The following TIMM9 variants were observed in gnomAD, a reference collection of about 807,000 sequenced individuals.
TIMM9 encodes the protein mitochondrial import inner membrane translocase subunit Tim9.
In TIMM9, 10 loss-of-function variants were observed where a neutral mutation model predicts 13.4. The ratio of observed to expected loss-of-function variants is 0.75; its 90% CI spans 0.46 to 1.26. The LOEUF is 1.26. Among genes scored for constraint, TIMM9 ranks in the 50% most tolerant of loss-of-function variants. TIMM9 has a pLI of 0.00. For missense variants in TIMM9, 87 were observed against 100.8 expected (o/e 0.86, Z 0.58); for synonymous variants, 32 against 32.1 (o/e 1.00, Z 0.01).
chr14:58,427,453 C>G lies in TIMM9; in HGVS notation c.-365G>C. 1.3e-6 allele frequency: 1 copy of G among 754,230 alleles called. No homozygotes were observed. The highest frequency in any genetic ancestry group is 2.1e-6 in the Non-Finnish European group (1 of 469,054). 46.7% of individuals were successfully genotyped at this position (754,230 alleles called of 1,614,324 possible). On this transcript the variant is annotated 5_prime_UTR_variant, in exon 1 of 6. Coordinates refer to ENST00000395159, the MANE Select transcript of TIMM9 (RefSeq NM_012460.4). ...CAGTGTCAACAGTCCCTGGTAAACA[C>G]AAGTAGTATTACAAGTCGGGAGCTC...
rs1442262939 is a variant in TIMM9 at position 58,410,850 on chromosome 14, G to A, written c.128C>T (p.Pro43Leu). Residue 43 changes from proline (P) to leucine (L), a missense_variant, in exon 5 of 6, where the codon CCT becomes CTT. Coordinates refer to ENST00000395159, the MANE Select transcript of TIMM9 (RefSeq NM_012460.4). ...GAGTAACACTTTTCATACCTCTTCA[G>A]GTTTTACTTCTCTTGTTGTGAAGTC... The part of the protein sequence containing the change: ...VKDFTTREVK[P>L]EETTCSEHCL... The A allele has an allele frequency of 6.2e-7, 1 of 1,607,568 alleles. No individual in the cohort carries two copies. The highest frequency in any genetic ancestry group is 1.3e-5 in the African/African-American group (1 of 74,536).
intron 3 of TIMM9, among the ~76,000 whole-genome samples, chr14:58,412,737 C>T (rs1361732844): frequency 6.6e-6 from 1 of 152,006 alleles, no homozygotes; most frequent in African/African-American, 2.4e-5. Flanking sequence ...CCTATCTCTA[C>T]AAAAAATACA....
chr14:58,409,868 G>A (rs2036156892), intron 5 of TIMM9, among the ~76,000 whole-genome samples: 3 of 152,048 alleles, frequency 2.0e-5, no homozygotes, highest in South Asian at 2.1e-4. Context: ...GTGAGCCACC[G>A]CGCCCAGCCT....
At chr14:58,413,426 G>C (rs2036285162) in intron 3 of TIMM9, among the ~76,000 whole-genome samples, 1 of 152,154 alleles carries the variant, frequency 6.6e-6, no homozygotes, top group South Asian at 2.1e-4. Flanking sequence ...AGGATATTCA[G>C]AGTTTTAAAA....
intron 5 of TIMM9, among the ~76,000 whole-genome samples, chr14:58,409,802 T>C (rs2036153766): frequency 6.6e-6 from 1 of 152,008 alleles, no homozygotes; most frequent in Non-Finnish European, 1.5e-5. Context: ...ATGGTCTTGA[T>C]CTCCTGACCT....
Position 58,408,676 on chromosome 14 carries a change from G to T in TIMM9, c.*358C>A. 7.7e-7 allele frequency: 1 copy of T among 1,307,094 alleles called. No individual in the cohort carries two copies. Among genetic ancestry groups the T allele is most frequent in the South Asian group, 1.4e-5 (1 of 69,630 alleles). The allele number at this position is 1,307,094 out of a possible 1,614,324, so 81.0% of individuals were successfully genotyped here. A position where few individuals can be genotyped will look rare whatever the true frequency, so the allele number is the denominator to read the frequency against. The stretch of plus-strand genomic sequence containing the variant: ...GTGATATTTCCATTTATTTTACTTT[G>T]AGTAATAAAAATTTTTCTATCTCAT... On this transcript the variant is annotated 3_prime_UTR_variant, in exon 6 of 6. Coordinates refer to ENST00000395159, the MANE Select transcript of TIMM9 (RefSeq NM_012460.4).
At chr14:58,414,008 G>GAAAA (rs10656955) in intron 3 of TIMM9, among the ~76,000 whole-genome samples, 1,334 of 24,168 alleles carry the variant, frequency 0.055, 481 homozygotes, top group South Asian at 0.12. Flanking sequence ...TTCCGTCTCA[G>GAAAA]AAAAAAAAAA....
At chr14:58,426,932 C>G (rs2036860292) in intron 2 of TIMM9, 122 bp downstream of exon 2, 2 of 152,794 alleles carry the variant, frequency 1.3e-5, no homozygotes, top group Non-Finnish European at 2.9e-5. Flanking sequence ...CGCTTCGCAC[C>G]CCCCACTGCT....
chr14:58,418,313 A>G (rs1008296658), intron 3 of TIMM9, among the ~76,000 whole-genome samples: 5 of 152,204 alleles, frequency 3.3e-5, no homozygotes, highest in African/African-American at 1.2e-4. Flanking sequence ...AGGAAGATCA[A>G]TTTGATAAAC....
Position 58,410,924 on chromosome 14 carries a change from C to G in TIMM9, c.54G>C (p.Leu18=). Residue 18 remains leucine (L), a synonymous_variant, in exon 5 of 6, where the codon CTG becomes CTC. Coordinates refer to ENST00000395159, the MANE Select transcript of TIMM9 (RefSeq NM_012460.4). The part of the protein sequence containing the change: ...SDQIKQFKEF[L]GTYNKLTETC... ...TCTCTGTAAGTTTATTGTAGGTCCC[C>G]AGAAATTCCTTAAACTACAAACAAA... The G allele has an allele frequency of 1.2e-6, 2 of 1,612,304 alleles. No homozygotes were observed. The highest frequency in any genetic ancestry group is 1.7e-6 in the Non-Finnish European group (2 of 1,179,284).
intron 3 of TIMM9, among the ~76,000 whole-genome samples, chr14:58,420,993 C>T (rs2083817386): frequency 6.6e-6 from 1 of 152,088 alleles, no homozygotes; most frequent in South Asian, 2.1e-4. Flanking sequence ...TCCCATATAA[C>T]CCTGCAATTG....
intron 3 of TIMM9, among the ~76,000 whole-genome samples, chr14:58,414,909 C>T (rs1209604743): frequency 6.6e-6 from 1 of 152,138 alleles, no homozygotes; most frequent in Non-Finnish European, 1.5e-5. Flanking sequence ...TAATGAGGTA[C>T]CCATCTCCAT....
At chr14:58,419,500 CACACAAACACAT>C (rs2036525578) in intron 3 of TIMM9, among the ~76,000 whole-genome samples, 1 of 135,612 alleles carries the variant, frequency 7.4e-6, no homozygotes, top group Non-Finnish European at 1.6e-5. Context: ...CACACACACA[CACACAAACACAT>C]ACACACACAC....
intron 3 of TIMM9, among the ~76,000 whole-genome samples, chr14:58,423,258 C>A (rs1953496376): frequency 6.6e-6 from 1 of 151,790 alleles, no homozygotes; most frequent in Non-Finnish European, 1.5e-5. Context: ...TGGCTCACAC[C>A]TGTAATCCCA....
intron 3 of TIMM9, among the ~76,000 whole-genome samples, chr14:58,415,882 G>T (rs183537436): frequency 1.6e-4 from 25 of 152,050 alleles, no homozygotes; most frequent in African/African-American, 6.0e-4. Context: ...GCATAAACCC[G>T]ATGAAACCTA....
intron 2 of TIMM9, among the ~76,000 whole-genome samples, 193 bp from the exon 3 acceptor site, chr14:58,424,288 G>A (rs1361228517): frequency 6.6e-6 from 1 of 152,044 alleles, no homozygotes; most frequent in East Asian, 1.9e-4. Context: ...AATACTTAAT[G>A]TCATGCTATC....
chr14:58,410,804 G>T, intron 5 of TIMM9, 39 bp downstream of exon 5: 1 of 1,427,830 alleles, frequency 7.0e-7, no homozygotes, highest in South Asian at 1.2e-5. Context: ...GAGTGTTTAT[G>T]AAGGCTTGTA....
At chr14:58,409,563 TATTTTA>T (rs772081450) in intron 5 of TIMM9, among the ~76,000 whole-genome samples, 13 of 152,096 alleles carry the variant, frequency 8.5e-5, no homozygotes, top group South Asian at 2.1e-4. Flanking sequence ...ACCTTTTACT[TATTTTA>T]ATTTTATTTA....
At chr14:58,426,157 A>G (rs2036775810) in intron 2 of TIMM9, among the ~76,000 whole-genome samples, 1 of 152,134 alleles carries the variant, frequency 6.6e-6, no homozygotes, top group African/African-American at 2.4e-5. Flanking sequence ...TCAGCAAGTT[A>G]CAAAAAAATA....
Sources: allele counts gnomAD v4.1 joint callset (sites outside exome capture counted in the v4.1 genomes callset), GRCh38; gene constraint gnomAD v4.1.1; transcripts MANE v1.5; gene names NCBI Gene and HGNC (gene_info 2026-07-23, HGNC 2026-07-21).